Variants in SIPA1L3 observed in about 807,000 individuals in gnomAD.
The protein encoded by SIPA1L3 is signal induced proliferation associated 1 like 3, also known as signal-induced proliferation-associated 1-like protein 3.
Under a neutral mutation model 150.1 loss-of-function variants are expected in SIPA1L3, and 59 were observed. That is an observed-to-expected ratio of 0.39 (90% CI 0.32 to 0.49). SIPA1L3 has a LOEUF of 0.49. SIPA1L3 is among the 20% of genes least tolerant of loss of function. The pLI is 0.86. For missense variants in SIPA1L3, 2,211 were observed against 2,489.5 expected (o/e 0.89, Z 2.38); for synonymous variants, 1,070 against 1,077.6 (o/e 0.99, Z 0.14).
chr19:37,921,891 C>T (rs562504545), intron 1 of SIPA1L3, among the ~76,000 whole-genome samples: 1 of 152,294 alleles, frequency 6.6e-6, no homozygotes, highest in Non-Finnish European at 1.5e-5. Context: ...GCGTGAGCCA[C>T]CATGCCTGGC....
Position 38,081,070 on chromosome 19 carries a change from ATAGT to A in SIPA1L3, c.-310-181_-310-178del, listed in dbSNP as rs143731895. Reference sequence around the variant, plus strand: ...TGAATAGATGAAATGGGAATGGAAAATAGTTAGTGGTTGTTGGAGCTGATGGGTG... The same window carrying A: ...TGAATAGATGAAATGGGAATGGAAAATAGTGGTTGTTGGAGCTGATGGGTG... On this transcript the variant is annotated intron_variant, in intron 2 of 21. Transcript: ENST00000222345. 8.1e-3 allele frequency among the ~76,000 whole-genome samples: 1,227 copies of A among 152,232 alleles called. 15 individuals carry two copies. The highest frequency in any genetic ancestry group is 0.027 in the African/African-American group (1,124 of 41,540).
chr19:37,948,475 GAAAA>G (rs879547679), intron 1 of SIPA1L3, among the ~76,000 whole-genome samples: 1 of 130,908 alleles, frequency 7.6e-6, no homozygotes, highest in South Asian at 2.4e-4. Flanking sequence ...TTAAAAAAAA[GAAAA>G]AAAAAAAAAG....
At chr19:38,122,212 C>A (rs1971037769) in intron 9 of SIPA1L3, among the ~76,000 whole-genome samples, 1 of 152,156 alleles carries the variant, frequency 6.6e-6, no homozygotes, top group African/African-American at 2.4e-5. Flanking sequence ...CAGAGCAAAA[C>A]TCTGTCTCAA....
At chr19:37,953,542 G>A (rs56138632) in intron 1 of SIPA1L3, among the ~76,000 whole-genome samples, 44,637 of 152,168 alleles carry the variant, frequency 0.29, 7,007 homozygotes, top group Non-Finnish European at 0.36. Flanking sequence ...ATGTGTGTGT[G>A]TGTGTATGTG....
intron 15 of SIPA1L3, among the ~76,000 whole-genome samples, chr19:38,178,600 C>T (rs55926725): frequency 0.036 from 5,509 of 152,174 alleles, 155 homozygotes; most frequent in Non-Finnish European, 0.054. Flanking sequence ...TTCAGCCTCC[C>T]GAGTAGCTGG....
intron 1 of SIPA1L3, among the ~76,000 whole-genome samples, chr19:37,911,457 G>A (rs781242299): frequency 6.6e-6 from 1 of 151,522 alleles, no homozygotes; most frequent in Non-Finnish European, 1.5e-5. Context: ...GAGAGACCAC[G>A]CTTTATTCCA....
At chr19:38,159,776 A>G (rs746673819) in intron 13 of SIPA1L3, among the ~76,000 whole-genome samples, 40 of 152,198 alleles carry the variant, frequency 2.6e-4, no homozygotes, top group Admixed American at 7.2e-4. Context: ...TACTGGGAGG[A>G]CGCAGCAGGG....
At chr19:38,045,993 A>G (rs1191433460) in intron 2 of SIPA1L3, among the ~76,000 whole-genome samples, 2 of 152,026 alleles carry the variant, frequency 1.3e-5, no homozygotes, top group African/African-American at 4.8e-5. Context: ...TGCACTTTCA[A>G]GCCTTGATGT....
intron 3 of SIPA1L3, among the ~76,000 whole-genome samples, chr19:38,086,646 G>A (rs1254684234): frequency 2.0e-5 from 3 of 152,200 alleles, no homozygotes; most frequent in Non-Finnish European, 4.4e-5. Flanking sequence ...TTGCACCACT[G>A]CACTCCAGCC....
intron 15 of SIPA1L3, among the ~76,000 whole-genome samples, chr19:38,179,709 AG>A (rs1308963692): frequency 6.6e-6 from 1 of 152,202 alleles, no homozygotes; most frequent in Non-Finnish European, 1.5e-5. Flanking sequence ...TCTTTAAGGA[AG>A]TTAAGAGAAG....
At chr19:38,203,984 G>T in intron 20 of SIPA1L3, 143 bp from the exon 21 acceptor site, 1 of 644,452 alleles carries the variant, frequency 1.6e-6, no homozygotes, top group Non-Finnish European at 2.7e-6. Context: ...CTGGCTTCCT[G>T]CTTCCCCTCA....
intron 16 of SIPA1L3, 98 bp downstream of exon 16, chr19:38,182,838 C>A: frequency 1.1e-6 from 1 of 911,748 alleles, no homozygotes; most frequent in Non-Finnish European, 1.7e-6. Flanking sequence ...ATTGCACAGA[C>A]GACTGTGGGC....
rs141362474 is a variant in SIPA1L3 at position 38,175,203 on chromosome 19, C to T, written c.4209-7316C>T. Among the ~76,000 whole-genome samples, 95 of 152,064 alleles carry T rather than the reference C, an allele frequency of 6.2e-4. 1 individual carries two copies. The highest frequency in any genetic ancestry group is 4.2e-3 in the South Asian group (20 of 4,810). ...TTGCTACGGCGGCTAAGTGAGGTGACGCCTATAAGATGCTTAGAACAAGGC... is the reference window on the plus strand; with the variant it reads ...TTGCTACGGCGGCTAAGTGAGGTGATGCCTATAAGATGCTTAGAACAAGGC... On this transcript the variant is annotated intron_variant, in intron 15 of 21. Transcript: ENST00000222345.
chr19:38,043,255 G>C (rs865882668), intron 2 of SIPA1L3, among the ~76,000 whole-genome samples: 5 of 152,132 alleles, frequency 3.3e-5, no homozygotes, highest in Admixed American at 6.5e-5. Flanking sequence ...CAGGAGAATC[G>C]CTTGAACCTG....
Position 38,119,868 on chromosome 19 carries a change from G to T in SIPA1L3, c.2854G>T (p.Val952Leu). The T allele has an allele frequency of 5.0e-6, 8 of 1,606,968 alleles. No homozygotes were observed. The highest frequency in any genetic ancestry group is 6.8e-6 in the Non-Finnish European group (8 of 1,177,216). Reference sequence around the variant, plus strand: ...TTCTGTGGAGGACATAAGGGAGATAGTGCAGAGACTGAAGGTAAGGGAGAG... The same window carrying T: ...TTCTGTGGAGGACATAAGGGAGATATTGCAGAGACTGAAGGTAAGGGAGAG... ...EGSVEDIREI[V>L]QRLKVMTSGW... is the part of the protein sequence containing the mutation. Residue 952 changes from valine (V) to leucine (L), a missense_variant, in exon 9 of 22, where the codon GTG becomes TTG. By Grantham distance (32) the Val-to-Leu change is conservative (BLOSUM62 1). Coordinates refer to ENST00000222345, the MANE Select transcript of SIPA1L3 (RefSeq NM_015073.3).
intron 1 of SIPA1L3, among the ~76,000 whole-genome samples, chr19:37,947,486 A>G (rs1249814211): frequency 6.7e-6 from 1 of 148,798 alleles, no homozygotes; most frequent in Non-Finnish European, 1.5e-5. Flanking sequence ...GAGACTCCAT[A>G]TCAAAAAAAA....
Position 38,082,783 on chromosome 19 carries a change from C to G in SIPA1L3, c.1218C>G (p.Asn406Lys). The change falls in exon 3 of 22, where the codon AAC (asparagine) becomes AAG (lysine). Residue 406 changes from asparagine (N) to lysine (K), a missense_variant. Asn to Lys is a moderately conservative substitution (Grantham distance 94). This residue lies in a region of SIPA1L3 where 587 missense variants were observed against 534.5 expected (regional missense o/e 1.10). Coordinates refer to ENST00000222345, the MANE Select transcript of SIPA1L3 (RefSeq NM_015073.3). ...DPAFTSTEDLNCKENLEQDLG... is the reference protein window; with the variant it reads ...DPAFTSTEDLKCKENLEQDLG... Reference sequence around the variant, plus strand: ...CCTTCACCAGCACAGAGGACCTAAACTGCAAGGAGAACTTGGAGCAGGACC... The same window carrying G: ...CCTTCACCAGCACAGAGGACCTAAAGTGCAAGGAGAACTTGGAGCAGGACC... The G allele has an allele frequency of 6.2e-7, 1 of 1,613,454 alleles. No individual in the cohort carries two copies.
intron 2 of SIPA1L3, among the ~76,000 whole-genome samples, chr19:38,069,395 CCA>C (rs1236619267): frequency 6.6e-6 from 1 of 152,222 alleles, no homozygotes; most frequent in Non-Finnish European, 1.5e-5. Context: ...TCCTCCCCAA[CCA>C]CACCTGCGCT....
intron 2 of SIPA1L3, among the ~76,000 whole-genome samples, chr19:38,045,247 C>T (rs1041039094): frequency 6.6e-6 from 1 of 151,964 alleles, no homozygotes; most frequent in Non-Finnish European, 1.5e-5. Flanking sequence ...TGTGGTGATG[C>T]GTGCCTGTAA....
Sources: gnomAD v4.1 joint callset for allele counts (sites outside exome capture counted in the v4.1 genomes callset) on GRCh38, gnomAD v4.1.1 for gene constraint, gnomAD v4.1.1 regional missense constraint, MANE v1.5 for transcripts, NCBI Gene and HGNC (gene_info 2026-07-23, HGNC 2026-07-21) for gene names.